The following EPHA6 variants were observed in gnomAD, a reference collection of about 807,000 sequenced individuals.
The protein encoded by EPHA6 is ephrin type-A receptor 6.
A neutral mutation model predicts 112.0 loss-of-function variants in EPHA6; 50 were observed. The ratio of observed to expected loss-of-function variants is 0.45; its 90% CI spans 0.36 to 0.56. The LOEUF (loss-of-function observed/expected upper bound fraction) is 0.56. EPHA6 is among the 20% of genes least tolerant of loss of function. EPHA6 has a pLI of 0.00. For synonymous variants in EPHA6, 529 were observed against 490.7 expected (o/e 1.08, Z -1.03); for missense variants, 1,280 against 1,417.4 (o/e 0.90, Z 1.56).
chr3:97,211,716 TG>T (rs1559801276), intron 3 of EPHA6, among the ~76,000 whole-genome samples: 1 of 152,208 alleles, frequency 6.6e-6, no homozygotes. Flanking sequence ...CATCAAAATT[TG>T]GGGGGCATAC....
At chr3:96,825,325 T>C (rs1451479465) in intron 1 of EPHA6, among the ~76,000 whole-genome samples, 2 of 151,822 alleles carry the variant, frequency 1.3e-5, no homozygotes, top group Non-Finnish European at 2.9e-5. Flanking sequence ...ATGAGAGCTT[T>C]CTTTAAAATA....
chr3:97,144,172 T>G (rs1273075721), intron 3 of EPHA6, among the ~76,000 whole-genome samples: 7 of 151,700 alleles, frequency 4.6e-5, no homozygotes, highest in African/African-American at 1.7e-4. Context: ...TTTGACAACT[T>G]TCACAGAACT....
intron 14 of EPHA6, among the ~76,000 whole-genome samples, chr3:97,714,421 T>C (rs1283399075): frequency 2.6e-5 from 4 of 152,180 alleles, no homozygotes; most frequent in African/African-American, 9.7e-5. Context: ...TTTCCATATT[T>C]CAGAAAAGGA....
chr3:97,455,348 G>T (rs983373414), intron 7 of EPHA6, among the ~76,000 whole-genome samples: 4 of 151,944 alleles, frequency 2.6e-5, no homozygotes, highest in Admixed American at 1.3e-4. Context: ...CAATTTTACA[G>T]ATCAAGAAAG....
intron 15 of EPHA6, among the ~76,000 whole-genome samples, chr3:97,722,735 T>A (rs1047106124): frequency 3.3e-5 from 5 of 151,840 alleles, no homozygotes; most frequent in African/African-American, 1.2e-4. Flanking sequence ...TTGATTTAAA[T>A]ATATATATAT....
chr3:97,685,618 T>G (rs2032188671), intron 14 of EPHA6, among the ~76,000 whole-genome samples: 1 of 152,128 alleles, frequency 6.6e-6, no homozygotes, highest in Admixed American at 6.5e-5. Flanking sequence ...GCACACTGAC[T>G]CTTAAAAACT....
intron 3 of EPHA6, among the ~76,000 whole-genome samples, chr3:97,217,579 A>G (rs1237754613): frequency 6.6e-6 from 1 of 152,200 alleles, no homozygotes; most frequent in Non-Finnish European, 1.5e-5. Context: ...ATACCCTAAA[A>G]TGAAGAGGTA....
chr3:97,643,020 A>C (rs1426020153), intron 14 of EPHA6, among the ~76,000 whole-genome samples: 2 of 151,956 alleles, frequency 1.3e-5, no homozygotes, highest in Non-Finnish European at 2.9e-5. Flanking sequence ...TGAAGGAAAA[A>C]ATGTTAAGGG....
chr3:97,639,412 C>T (rs550354389), intron 14 of EPHA6, among the ~76,000 whole-genome samples: 118 of 151,836 alleles, frequency 7.8e-4, no homozygotes, highest in African/African-American at 2.3e-3. Context: ...TATAGAACAA[C>T]GAATATAAAA....
chr3:97,147,809 G>T (rs1045001960), intron 3 of EPHA6, among the ~76,000 whole-genome samples: 1 of 152,158 alleles, frequency 6.6e-6, no homozygotes, highest in African/African-American at 2.4e-5. Flanking sequence ...GACTCGGGGT[G>T]ATAACAACTA....
At chr3:97,742,034 T>C (rs1298885330) in intron 16 of EPHA6, among the ~76,000 whole-genome samples, 3 of 152,086 alleles carry the variant, frequency 2.0e-5, no homozygotes, top group African/African-American at 7.2e-5. Flanking sequence ...ATAGCAACAA[T>C]ATAGAGAAAT....
At chr3:96,918,325 T>C (rs2039587712) in intron 2 of EPHA6, among the ~76,000 whole-genome samples, 1 of 152,192 alleles carries the variant, frequency 6.6e-6, no homozygotes, top group Non-Finnish European at 1.5e-5. Context: ...TTTTATAGTC[T>C]AATGTTATTA....
chr3:97,464,675 T>G (rs2107406623), intron 7 of EPHA6, among the ~76,000 whole-genome samples: 1 of 152,064 alleles, frequency 6.6e-6, no homozygotes, highest in South Asian at 2.1e-4. Context: ...GGCCTGGAAA[T>G]TTTTCAAAGC....
intron 6 of EPHA6, among the ~76,000 whole-genome samples, chr3:97,437,168 G>A (rs556292331): frequency 6.6e-6 from 1 of 151,920 alleles, no homozygotes; most frequent in Admixed American, 6.6e-5. Context: ...GGGCAACCCT[G>A]GTATACAACA....
intron 3 of EPHA6, among the ~76,000 whole-genome samples, chr3:97,112,349 T>C (rs1576508552): frequency 6.6e-6 from 1 of 152,174 alleles, no homozygotes; most frequent in Non-Finnish European, 1.5e-5. Context: ...ATACTCTGAG[T>C]AAATCTAATT....
chr3:96,889,451 C>T (rs780862316), intron 2 of EPHA6, among the ~76,000 whole-genome samples: 7 of 152,074 alleles, frequency 4.6e-5, no homozygotes, highest in African/African-American at 7.2e-5. Context: ...CAGGGCGGAA[C>T]GTGAAAGGCA....
At chr3:96,940,394 T>G (rs944850547) in intron 2 of EPHA6, among the ~76,000 whole-genome samples, 1 of 152,230 alleles carries the variant, frequency 6.6e-6, no homozygotes, top group Non-Finnish European at 1.5e-5. Context: ...GTTTAAAGTC[T>G]GTTTTATCAG....
At chr3:97,176,743 C>T (rs993946762) in intron 3 of EPHA6, among the ~76,000 whole-genome samples, 2 of 151,596 alleles carry the variant, frequency 1.3e-5, no homozygotes, top group African/African-American at 4.8e-5. Context: ...TGTAATGTCT[C>T]CTCTTTCATT....
intron 1 of EPHA6, among the ~76,000 whole-genome samples, chr3:96,831,472 A>G (rs1304760050): frequency 6.6e-6 from 1 of 151,926 alleles, no homozygotes; most frequent in Middle Eastern, 3.2e-3. Context: ...AGCCCACTCC[A>G]ATGAGTTGGA....
Sources: gnomAD v4.1 joint callset for allele counts (sites outside exome capture counted in the v4.1 genomes callset) on GRCh38, gnomAD v4.1.1 for gene constraint, MANE v1.5 for transcripts, NCBI Gene and HGNC (gene_info 2026-07-23, HGNC 2026-07-21) for gene names.